The following CHST11 variants were observed in gnomAD, a reference collection of about 807,000 sequenced individuals.
The protein encoded by CHST11 is carbohydrate sulfotransferase 11.
Under a neutral mutation model 30.4 loss-of-function variants are expected in CHST11, and 9 were observed. That is an observed-to-expected ratio of 0.30 (90% CI 0.18 to 0.52). The LOEUF is 0.52. Ranked by LOEUF, CHST11 falls within the 20% of genes least tolerant of loss-of-function variation. The pLI is 0.97. For missense variants in CHST11, 348 were observed against 460.6 expected (o/e 0.76, Z 2.24); for synonymous variants, 152 against 187.8 (o/e 0.81, Z 1.56).
rs184284783 is a variant in CHST11, at chr12:104,578,531, G to A, written c.119-23375G>A. Among the ~76,000 whole-genome samples, 11 of 152,234 alleles carry A rather than the reference G, an allele frequency of 7.2e-5. No individual in the cohort carries two copies. In the East Asian group the frequency reaches 1.5e-3, roughly 21 times the overall value. On this transcript the variant is annotated intron_variant, in intron 1 of 2. Transcript: ENST00000303694. ...CCCCTGCCTCTATTGTGATGAGAGC[G>A]CTGGGTCCGTTGGCTGTCTCTCTGG...
chr12:104,733,202 T>A (rs911716638), intron 2 of CHST11, among the ~76,000 whole-genome samples: 2 of 152,260 alleles, frequency 1.3e-5, no homozygotes, highest in African/African-American at 4.8e-5. Context: ...ATATCTTGAA[T>A]GTAGCTGTGG....
At chr12:104,520,518 A>C (rs571313450) in intron 1 of CHST11, among the ~76,000 whole-genome samples, 1 of 152,202 alleles carries the variant, frequency 6.6e-6, no homozygotes, top group Non-Finnish European at 1.5e-5. Flanking sequence ...AAAACAAAAA[A>C]AAACAAACCT....
At chr12:104,737,839 C>T (rs555683340) in intron 2 of CHST11, among the ~76,000 whole-genome samples, 9 of 152,178 alleles carry the variant, frequency 5.9e-5, no homozygotes, top group East Asian at 3.9e-4. Context: ...ATGAGCCAGG[C>T]GGAAAGGGAG....
intron 1 of CHST11, among the ~76,000 whole-genome samples, chr12:104,472,512 T>A (rs2037520909): frequency 6.6e-6 from 1 of 152,190 alleles, no homozygotes; most frequent in Non-Finnish European, 1.5e-5. Context: ...CTTGACACAG[T>A]CTGCCATGTA....
rs139459052 is a variant in CHST11, at chr12:104,587,336, T to A, written c.119-14570T>A. Among the ~76,000 whole-genome samples, 1,312 of 152,360 alleles carry A rather than the reference T, an allele frequency of 8.6e-3. 27 individuals are homozygous for A. Among genetic ancestry groups the A allele is most frequent in the African/African-American group, 0.03 (1,257 of 41,584 alleles). On this transcript the variant is annotated intron_variant, in intron 1 of 2. Transcript: ENST00000303694. ...AATTTAAATTGCATCTAAAATGTCA[T>A]CTATTTACAGTTATTTTTGAATACT...
chr12:104,512,672 C>CT (rs1565969609), intron 1 of CHST11, among the ~76,000 whole-genome samples: 1 of 152,158 alleles, frequency 6.6e-6, no homozygotes, highest in East Asian at 1.9e-4. Flanking sequence ...TGGAAGTTCT[C>CT]TAAACAAGAA....
chr12:104,545,835 C>CTCT (rs74779205), intron 1 of CHST11, among the ~76,000 whole-genome samples: 82,580 of 151,052 alleles, frequency 0.55, 23,632 homozygotes, highest in East Asian at 0.98. Flanking sequence ...CTCTGTCTCT[C>CTCT]TTTTTTTAAA....
intron 2 of CHST11, among the ~76,000 whole-genome samples, chr12:104,653,009 C>A (rs1282856432): frequency 3.9e-5 from 6 of 152,120 alleles, no homozygotes; most frequent in Admixed American, 3.3e-4. Context: ...AAACACATAA[C>A]CTAAAATGTG....
chr12:104,743,517 G>A (rs148813708), intron 2 of CHST11, among the ~76,000 whole-genome samples: 1 of 152,328 alleles, frequency 6.6e-6, no homozygotes, highest in East Asian at 1.9e-4. Flanking sequence ...CTACAGGGAT[G>A]GTTCGGCTCA....
intron 1 of CHST11, among the ~76,000 whole-genome samples, chr12:104,562,987 C>T (rs1206658677): frequency 6.6e-6 from 1 of 152,284 alleles, no homozygotes; most frequent in African/African-American, 2.4e-5. Context: ...ATGGTAGTAA[C>T]AGAACTCACC....
intron 1 of CHST11, among the ~76,000 whole-genome samples, chr12:104,539,255 G>GA (rs2038266118): frequency 2.6e-5 from 4 of 152,194 alleles, no homozygotes; most frequent in African/African-American, 9.7e-5. Flanking sequence ...CCTGCTGTGT[G>GA]ACCTTGGGCA....
At chr12:104,580,893 G>A (rs1293396463) in intron 1 of CHST11, among the ~76,000 whole-genome samples, 1 of 152,136 alleles carries the variant, frequency 6.6e-6, no homozygotes, top group African/African-American at 2.4e-5. Context: ...CACCTAGCCT[G>A]GGTTTTCATA....
At chr12:104,517,028 C>T (rs543635805) in intron 1 of CHST11, among the ~76,000 whole-genome samples, 2 of 152,260 alleles carry the variant, frequency 1.3e-5, no homozygotes, top group Admixed American at 6.5e-5. Context: ...CATGCATTCT[C>T]TTTCCCCCCT....
intron 1 of CHST11, among the ~76,000 whole-genome samples, chr12:104,547,978 G>A (rs760928028): frequency 6.6e-6 from 1 of 152,190 alleles, no homozygotes; most frequent in Non-Finnish European, 1.5e-5. Flanking sequence ...AGGGGGTGAA[G>A]CTGTTGGGAT....
rs1316586088 is a variant in CHST11 at position 104,627,078 on chromosome 12, A to G, written c.204+25087A>G. Among the ~76,000 whole-genome samples the G allele has an allele frequency of 3.3e-5, 5 of 152,050 alleles. No homozygotes were observed. The East Asian group carries it at 9.6e-4, about 29-fold the overall frequency. On this transcript the variant is annotated intron_variant, in intron 2 of 2. Transcript: ENST00000303694. ...AGTTTTGTCTTTTCCAGAATGTCAT[A>G]TAGTTGGAATACAATATGTAGCCTT...
intron 2 of CHST11, 88 bp from the exon 3 acceptor site, chr12:104,756,861 A>G: frequency 1.4e-6 from 2 of 1,465,104 alleles, no homozygotes; most frequent in African/African-American, 2.8e-5. Context: ...TATGTGTTTG[A>G]ACGGGTGGAT....
chr12:104,504,836 T>C (rs2037888104), intron 1 of CHST11, among the ~76,000 whole-genome samples: 1 of 151,892 alleles, frequency 6.6e-6, no homozygotes, highest in Non-Finnish European at 1.5e-5. Flanking sequence ...TGGGGCCCCA[T>C]TGGAGGTTCT....
intron 2 of CHST11, among the ~76,000 whole-genome samples, chr12:104,691,823 G>A (rs1338052508): frequency 6.6e-6 from 1 of 152,176 alleles, no homozygotes; most frequent in East Asian, 1.9e-4. Context: ...TGTCACCTAA[G>A]GGCAGGACAA....
intron 2 of CHST11, among the ~76,000 whole-genome samples, chr12:104,690,583 T>G (rs1021003602): frequency 2.0e-5 from 3 of 152,182 alleles, no homozygotes; most frequent in African/African-American, 7.2e-5. Context: ...CCCAGCACTT[T>G]GGGAGGCCGA....
Sources: allele counts gnomAD v4.1 joint callset (sites outside exome capture counted in the v4.1 genomes callset), GRCh38; gene constraint gnomAD v4.1.1; transcripts MANE v1.5; gene names NCBI Gene and HGNC (gene_info 2026-07-23, HGNC 2026-07-21).